Variants in LIPE observed in about 807,000 individuals in gnomAD.
LIPE encodes hormone-sensitive lipase.
Under a neutral mutation model 88.5 loss-of-function variants are expected in LIPE, and 66 were observed. That is an observed-to-expected ratio of 0.75 (90% confidence interval 0.61 to 0.91). The LOEUF is 0.91. Ranked by LOEUF, LIPE falls within the 40% of genes least tolerant of loss-of-function variation. The probability of loss-of-function intolerance (pLI) is 0.00; values close to 1 mark genes in which losing one functional copy is unlikely to be tolerated. For synonymous variants in LIPE, 570 were observed against 617.5 expected (o/e 0.92, Z 1.14); for missense variants, 1,346 against 1,434.7 (o/e 0.94, Z 1.00).
At chr19:42,424,002 C>T in intron 1 of LIPE, 6 of 1,178,400 alleles carry the variant, frequency 5.1e-6, no homozygotes, top group Non-Finnish European at 6.4e-6. Flanking sequence ...TGAGCCTCTG[C>T]CTGGGGTGGG....
In LIPE at chr19:42,426,670, C is replaced by T; in HGVS notation, c.480G>A (p.Gln160=). The stretch of plus-strand genomic sequence containing the variant: ...GCTCCCTTTTGGCTCCAGGTTTAGC[C>T]TGGGCCGCAGGTGTTGATTCAGCTT... ...QQEAESTPAA[Q]AKPGAKREPS... Residue 160 remains glutamine, a synonymous_variant, in exon 1 of 10, where the codon CAG becomes CAA. Transcript: ENST00000244289. 1 of 1,614,222 alleles carries T rather than the reference C, an allele frequency of 6.2e-7. No individual in the cohort carries two copies. The highest frequency in any genetic ancestry group is 8.5e-7 in the Non-Finnish European group (1 of 1,180,050).
chr19:42,403,003 T>G lies in LIPE; in HGVS notation c.2571A>C (p.Ala857=). The G allele has an allele frequency of 6.3e-7, 1 of 1,585,826 alleles. No homozygotes were observed. The highest frequency in any genetic ancestry group is 1.3e-5 in the African/African-American group (1 of 74,468). The change falls in exon 9 of 10, where the codon GCA becomes GCC. Residue 857 remains alanine (A), a synonymous_variant. Transcript: ENST00000244289. The stretch of plus-strand genomic sequence containing the variant: ...GTGGGCCCTGGGGCTGGGCCAGTGC[T>G]GCTTCAGACACACTGCGGCGCATCG... ...AEPMRRSVSE[A]ALAQPQGPLG... is the part of the protein sequence containing the mutation.
rs1260480867 is a variant in LIPE, at chr19:42,407,364, G to A, written c.1947C>T (p.His649=). Residue 649 remains histidine, a synonymous_variant, in exon 6 of 10, where the codon CAC becomes CAT. Transcript: ENST00000244289. The surrounding 1 kb of genome is among the most constrained non-coding windows in gnomAD (Gnocchi z 5.8). ...QAPRSRSLIV[H]FHGGGFVAQT... ...GGGCCACAAAGCCACCGCCGTGGAA[G>A]TGCACTATCAGGGACCGCGAGCGGG... The A allele has an allele frequency of 1.4e-5, 22 of 1,613,438 alleles. No homozygotes were observed. The highest frequency in any genetic ancestry group is 1.9e-5 in the Non-Finnish European group (22 of 1,179,814).
At position 42,406,093 on chromosome 19, in the gene LIPE, C is replaced by A; in HGVS notation, c.2365+68G>T. The A allele has an allele frequency of 7.1e-7, 1 of 1,407,000 alleles. No individual in the cohort carries two copies. Among genetic ancestry groups the A allele is most frequent in the Non-Finnish European group, 9.8e-7 (1 of 1,018,448 alleles). 87.2% of individuals were successfully genotyped at this position (1,407,000 alleles called of 1,614,324 possible). On this transcript the variant is annotated intron_variant, in intron 7 of 9. Coordinates refer to ENST00000244289, the MANE Select transcript of LIPE (RefSeq NM_005357.4). This position sits in a 1 kb window ranked among gnomAD's most constrained non-coding sequence, Gnocchi z 5.7. Reference sequence around the variant, plus strand: ...TCCTCAGTCACAGGAGTCCTGGTCCCCAGCCCGTCCCTGCAGGAGTCAGAC... The same window carrying A: ...TCCTCAGTCACAGGAGTCCTGGTCCACAGCCCGTCCCTGCAGGAGTCAGAC...
rs1381653221 is a variant in LIPE at position 42,407,781 on chromosome 19, T to A, written c.1667A>T (p.Asn556Ile). ...TEMEVLSSLANMASATVRVSR... is the reference protein window; with the variant it reads ...TEMEVLSSLAIMASATVRVSR... ...TACCCTCACGGTGGCCGATGCCATG[T>A]TGGCCAGAGACTGGAGGGAGGGGAC... Residue 556 changes from asparagine to isoleucine, a missense_variant, in exon 5 of 10, where the codon AAC becomes ATC. Physicochemically the swap from Asn to Ile is moderately radical, Grantham distance 149. Transcript: ENST00000244289. This position sits in a 1 kb window ranked among gnomAD's most constrained non-coding sequence, Gnocchi z 5.8. The A allele has an allele frequency of 1.3e-6, 2 of 1,547,258 alleles. No individual in the cohort carries two copies. The highest frequency in any genetic ancestry group is 1.7e-6 in the Non-Finnish European group (2 of 1,146,006).
At position 42,427,033 on chromosome 19, in the gene LIPE, C is replaced by T. The variant is rs41275756; in HGVS notation, c.117G>A (p.Ser39=). ...PEKTPIAQPE[S]KTLQGSNTQQ... is the part of the protein sequence containing the mutation. ...GGGTATTGGATCCCTGCAGAGTCTT[C>T]GATTCTGGCTGGGCTATGGGTGTCT... The change falls in exon 1 of 10, where the codon TCG becomes TCA. Residue 39 remains serine, a synonymous_variant. Transcript: ENST00000244289. The T allele has an allele frequency of 3.6e-3, 5,774 of 1,613,600 alleles. 12 individuals are homozygous for T. The highest frequency in any genetic ancestry group is 4.5e-3 in the Non-Finnish European group (5,280 of 1,179,940).
Position 42,407,527 on chromosome 19 carries a change from C to T in LIPE, c.1843-59G>A, listed in dbSNP as rs966035311. ...GGGGAGAGCTGGCCAGGGCTGCACC[C>T]CTCCATGGGGATGCCAAGGTGGGGG... On this transcript the variant is annotated intron_variant, in intron 5 of 9. Transcript: ENST00000244289. This position sits in a 1 kb window ranked among gnomAD's most constrained non-coding sequence, Gnocchi z 5.8. 5 of 1,578,862 alleles carry T rather than the reference C, an allele frequency of 3.2e-6. No homozygotes were observed. Among genetic ancestry groups the T allele is most frequent in the Middle Eastern group, 3.4e-4 (2 of 5,924 alleles).
chr19:42,401,850 C>G lies in LIPE; in HGVS notation c.3193G>C (p.Ala1065Pro). The G allele has an allele frequency of 6.6e-7, 1 of 1,516,584 alleles. No individual in the cohort carries two copies. Among genetic ancestry groups the G allele is most frequent in the East Asian group, 2.6e-5 (1 of 39,166 alleles). 93.9% of individuals were successfully genotyped at this position (1,516,584 alleles called of 1,614,324 possible). A position where few individuals can be genotyped will look rare whatever the true frequency, so the allele number is the denominator to read the frequency against. Residue 1065 changes from alanine (A) to proline (P), a missense_variant, in exon 10 of 10, where the codon GCT becomes CCT. Coordinates refer to ENST00000244289, the MANE Select transcript of LIPE (RefSeq NM_005357.4). Reference sequence around the variant, plus strand: ...CCGCAGCCCCCGTCTACCCCCGCAGCCCCCGTCTCCCCGCTCGGCCCGGCT... The same window carrying G: ...CCGCAGCCCCCGTCTACCCCCGCAGGCCCCGTCTCCCCGCTCGGCCCGGCT... ...AGAGPSGETG[A>P]AGVDGGCGGR...
In LIPE at chr19:42,412,407, G is replaced by A. The variant is rs965180952; in HGVS notation, c.884-1565C>T. On this transcript the variant is annotated intron_variant, in intron 1 of 9. Transcript: ENST00000244289. ...CGAGCTTCCCTGGGCTGGGACTGCT[G>A]GTCTGTGGCTTGTGCCAGTAGCAGC... The A allele has an allele frequency of 1.3e-5, 13 of 985,736 alleles. No homozygotes were observed. The African/African-American group carries it at 2.1e-4, about 16-fold the overall frequency. 61.1% of individuals were successfully genotyped at this position (985,736 alleles called of 1,614,324 possible).
rs1381556685 is a variant in LIPE, at chr19:42,407,142, G to C, written c.2137+32C>G. ...AAGCAAGCTGGGTGGGATGGGAGCA[G>C]GCGCAGGTGGCTGTGGGGGCCTGAG... On this transcript the variant is annotated intron_variant, in intron 6 of 9. Transcript: ENST00000244289. The surrounding 1 kb of genome is among the most constrained non-coding windows in gnomAD (Gnocchi z 5.8). 15 of 1,466,416 alleles carry C rather than the reference G, an allele frequency of 1.0e-5. No homozygotes were observed. In the South Asian group the frequency reaches 1.9e-4, roughly 19 times the overall value. The allele number at this position is 1,466,416 out of a possible 1,614,324, so 90.8% of individuals were successfully genotyped here. A position where few individuals can be genotyped will look rare whatever the true frequency, so the allele number is the denominator to read the frequency against.
At chr19:42,411,156 AC>A (rs1326557556) in intron 1 of LIPE, 1 of 264,740 alleles carries the variant, frequency 3.8e-6, no homozygotes, top group African/African-American at 2.3e-5. Context: ...CCTCTTCAGG[AC>A]CCAGGAGCCC....
Position 42,402,003 on chromosome 19 carries a change from C to T in LIPE, c.3040G>A (p.Val1014Met), listed in dbSNP as rs193061079. ...AGGTCCTCCACCACGCGCAGCGTCA[C>T]CGGCTGGCCCAGGTTGCGCAGTCGC... ...ARRLRNLGQP[V>M]TLRVVEDLPH... The change falls in exon 10 of 10, where the codon GTG (valine) becomes ATG (methionine). Residue 1014 changes from valine (V) to methionine (M), a missense_variant. Coordinates refer to ENST00000244289, the MANE Select transcript of LIPE (RefSeq NM_005357.4). The T allele has an allele frequency of 1.5e-4, 238 of 1,550,384 alleles. 1 individual carries two copies. The Admixed American group carries it at 4.2e-3, about 27-fold the overall frequency.
In LIPE at chr19:42,402,968, T is replaced by G; in HGVS notation, c.2606A>C (p.Asp869Ala). The G allele has an allele frequency of 1.2e-6, 2 of 1,605,404 alleles. No individual in the cohort carries two copies. The highest frequency in any genetic ancestry group is 1.7e-6 in the Non-Finnish European group (2 of 1,178,742). The change falls in exon 9 of 10, where the codon GAT becomes GCT. Residue 869 changes from aspartate (D) to alanine (A), a missense_variant. Asp to Ala is a moderately radical substitution (Grantham distance 126). Coordinates refer to ENST00000244289, the MANE Select transcript of LIPE (RefSeq NM_005357.4). ...LAQPQGPLGT[D>A]SLKNLTLRDL... ...CCTCAGGGTCAGGTTCTTGAGGGAATCCGTGCCCAGTGGGCCCTGGGGCTG... is the reference window on the plus strand; with the variant it reads ...CCTCAGGGTCAGGTTCTTGAGGGAAGCCGTGCCCAGTGGGCCCTGGGGCTG...
In LIPE at chr19:42,406,498, G is replaced by A. The variant is rs957904587; in HGVS notation, c.2138-110C>T. The A allele has an allele frequency of 1.0e-5, 9 of 881,840 alleles. No homozygotes were observed. Among genetic ancestry groups the A allele is most frequent in the Admixed American group, 8.5e-5 (4 of 46,956 alleles). 54.6% of individuals were successfully genotyped at this position (881,840 alleles called of 1,614,324 possible). A position where few individuals can be genotyped will look rare whatever the true frequency, so the allele number is the denominator to read the frequency against. ...AACTGGGCTCTCCAAGGTGGGGTGT[G>A]GGGCACTCCAAGGCCTAGCAGACTG... is the stretch of plus-strand genomic sequence containing the variant. On this transcript the variant is annotated intron_variant, in intron 6 of 9. Transcript: ENST00000244289. This position sits in a 1 kb window ranked among gnomAD's most constrained non-coding sequence, Gnocchi z 5.7.
rs1003724091 is a variant in LIPE, at chr19:42,402,732, G to A, written c.2842C>T (p.Arg948Ter). 4 of 1,563,050 alleles carry A rather than the reference G, an allele frequency of 2.6e-6. No individual in the cohort carries two copies. The highest frequency in any genetic ancestry group is 1.8e-5 in the Admixed American group (1 of 55,698). Residue 948 changes from arginine to a stop codon, truncating the protein, a stop_gained, in exon 9 of 10, where the codon CGA (arginine) becomes TGA (stop). Coordinates refer to ENST00000244289, the MANE Select transcript of LIPE (RefSeq NM_005357.4). LOFTEE classifies it high-confidence loss of function. ...RAAFPEGFHP[R>*]RSSQGATQMP... ...TGTGTGGCACCCTGGCTGGAGCGTC[G>A]GGGGTGGAAACCCTCGGGGAAGGCG...
At chr19:42,405,972 TCTCTCACACACACACA>T (rs1183564295) in intron 7 of LIPE, 173 bp downstream of exon 7, 3 of 563,272 alleles carry the variant, frequency 5.3e-6, no homozygotes, top group Non-Finnish European at 6.1e-6. Context: ...TCTCTCTCTC[TCTCTCACACACACACA>T]CACACACACA....
Position 42,401,800 on chromosome 19 carries a change from A to C in LIPE, c.*12T>G. On this transcript the variant is annotated 3_prime_UTR_variant, in exon 10 of 10. Transcript: ENST00000244289. ...CATGACGGAGGCCGGCGCAGATGGG[A>C]ACAACAGGCTTTTAGTGTCGCCCCC... 1 of 1,387,940 alleles carries C rather than the reference A, an allele frequency of 7.2e-7. No homozygotes were observed. The highest frequency in any genetic ancestry group is 9.4e-7 in the Non-Finnish European group (1 of 1,063,310). The allele number at this position is 1,387,940 out of a possible 1,614,324, so 86.0% of individuals were successfully genotyped here.
In LIPE at chr19:42,407,112, G is replaced by A. The variant is rs2040209662; in HGVS notation, c.2137+62C>T. On this transcript the variant is annotated intron_variant, in intron 6 of 9. Transcript: ENST00000244289. This position sits in a 1 kb window ranked among gnomAD's most constrained non-coding sequence, Gnocchi z 5.8. ...AGGGTGTGAGGCTGAGGCTGGAGGA[G>A]CTTAAAGCAAGCTGGGTGGGATGGG... is the stretch of plus-strand genomic sequence containing the variant. 2 of 1,407,772 alleles carry A rather than the reference G, an allele frequency of 1.4e-6. No individual in the cohort carries two copies. The highest frequency in any genetic ancestry group is 1.5e-5 in the South Asian group (1 of 68,468). The allele number at this position is 1,407,772 out of a possible 1,614,324, so 87.2% of individuals were successfully genotyped here. A position where few individuals can be genotyped will look rare whatever the true frequency, so the allele number is the denominator to read the frequency against.
chr19:42,402,934 G>A lies in LIPE; in HGVS notation c.2640C>T (p.Ser880=). 6.2e-7 allele frequency: 1 copy of A among 1,610,862 alleles called. No individual in the cohort carries two copies. Among genetic ancestry groups the A allele is most frequent in the African/African-American group, 1.3e-5 (1 of 75,030 alleles). The change falls in exon 9 of 10, where the codon AGC becomes AGT. Residue 880 remains serine, a synonymous_variant. Transcript: ENST00000244289. ...SLKNLTLRDL[S]LRGNSETSSD... is the part of the protein sequence containing the mutation. ...ACGACGTCTCGGAGTTTCCCCTCAG[G>A]CTCAAGTCCCTCAGGGTCAGGTTCT...
Sources: gnomAD v4.1 joint callset for allele counts on GRCh38, gnomAD v4.1.1 for gene constraint, Gnocchi (gnomAD v3.1) non-coding constraint, MANE v1.5 for transcripts, NCBI Gene and HGNC (gene_info 2026-07-23, HGNC 2026-07-21) for gene names.